NRG1: variants seen among roughly 807,000 people sequenced by gnomAD.
NRG1 encodes the protein neuregulin 1, also known as pro-neuregulin-1, membrane-bound isoform.
Under a neutral mutation model 63.8 loss-of-function variants are expected in NRG1, and 18 were observed. The observed-to-expected ratio is 0.28, with a 90% CI of 0.19 to 0.42. The LOEUF is 0.42. Ranked by LOEUF, NRG1 falls within the 10% of genes least tolerant of loss-of-function variation. The pLI is 1.00. For synonymous variants in NRG1, 302 were observed against 301.3 expected, an observed-to-expected ratio of 1.00 and a Z score of -0.02; for missense variants, 762 against 814.7, an observed-to-expected ratio of 0.94 and a Z score of 0.79.
intron 7 of NRG1, 43 bp from the exon 8 acceptor site, chr8:32,754,329 G>A: frequency 6.3e-7 from 1 of 1,577,738 alleles, no homozygotes; most frequent in Non-Finnish European, 8.7e-7. Flanking sequence ...GTCCTGGCAA[G>A]TGGAAGTGAC....
intron 1 of NRG1, among the ~76,000 whole-genome samples, chr8:31,854,196 C>T (rs1411790091): frequency 2.0e-5 from 3 of 151,388 alleles, no homozygotes; most frequent in Non-Finnish European, 3.0e-5. Flanking sequence ...GGTACCAGTT[C>T]CTCCTTGTAC....
At chr8:32,726,888 A>T (rs2129013239) in intron 5 of NRG1, among the ~76,000 whole-genome samples, 1 of 152,126 alleles carries the variant, frequency 6.6e-6, no homozygotes, top group Non-Finnish European at 1.5e-5. Context: ...TTATCAGTAG[A>T]CAAGACAAAA....
At chr8:32,769,524 G>T (rs1014103881), downstream of NRG1, among the ~76,000 whole-genome samples, 2 of 152,162 alleles carry the variant, frequency 1.3e-5, no homozygotes, top group South Asian at 4.1e-4. Flanking sequence ...ACAATTTGGG[G>T]TTATAAGGCA....
chr8:32,347,392 C>A (rs1805051431), intron 1 of NRG1, among the ~76,000 whole-genome samples: 1 of 152,096 alleles, frequency 6.6e-6, no homozygotes, highest in Admixed American at 6.6e-5. Flanking sequence ...AGGACAAGAA[C>A]CCTGCAGGGT....
intron 1 of NRG1, among the ~76,000 whole-genome samples, chr8:31,887,173 A>G (rs1255395629): frequency 1.3e-5 from 2 of 152,082 alleles, no homozygotes; most frequent in Non-Finnish European, 2.9e-5. Context: ...AAAAGGCTGA[A>G]AATCAGCATG....
chr8:32,616,787 C>G (rs1037802128), intron 4 of NRG1, 48 bp from the exon 5 acceptor site: 2 of 1,471,892 alleles, frequency 1.4e-6, no homozygotes, highest in South Asian at 2.3e-5. Flanking sequence ...TTTATGAGTC[C>G]AAGCAGCATG....
chr8:32,728,185 G>A (rs2129015269), intron 6 of NRG1, 107 bp downstream of exon 6: 2 of 1,549,848 alleles, frequency 1.3e-6, no homozygotes, highest in East Asian at 2.3e-5. Flanking sequence ...GTTGCATCAT[G>A]TTGAATAATG....
chr8:31,852,727 G>C (rs1446176351), intron 1 of NRG1, among the ~76,000 whole-genome samples: 3 of 152,162 alleles, frequency 2.0e-5, no homozygotes, highest in South Asian at 2.1e-4. Context: ...TTCTTCTAGG[G>C]TTTTCATGGC....
intron 1 of NRG1, among the ~76,000 whole-genome samples, chr8:31,695,622 G>A (rs1431254649): frequency 6.6e-6 from 1 of 152,172 alleles, no homozygotes; most frequent in Non-Finnish European, 1.5e-5. Flanking sequence ...ATGAGATTTG[G>A]GTAGGGACAC....
intron 1 of NRG1, among the ~76,000 whole-genome samples, chr8:31,966,455 T>C (rs1390048326): frequency 6.6e-6 from 1 of 152,242 alleles, no homozygotes; most frequent in African/African-American, 2.4e-5. Context: ...ATTTGATAGT[T>C]AGCCAAAATT....
At chr8:32,289,814 T>C (rs1450132860) in intron 1 of NRG1, among the ~76,000 whole-genome samples, 3 of 152,228 alleles carry the variant, frequency 2.0e-5, no homozygotes, top group African/African-American at 2.4e-5. Context: ...CTCAATGTAC[T>C]TGTAAACTTG....
At chr8:32,565,182 A>G (rs1837219058) in intron 1 of NRG1, among the ~76,000 whole-genome samples, 1 of 151,912 alleles carries the variant, frequency 6.6e-6, no homozygotes, top group Non-Finnish European at 1.5e-5. Context: ...TCTTTATCCC[A>G]CTCAGGACCA....
chr8:32,331,731 G>A (rs192829702), intron 1 of NRG1, among the ~76,000 whole-genome samples: 12 of 152,256 alleles, frequency 7.9e-5, no homozygotes, highest in Admixed American at 4.6e-4. Context: ...GGGGTGGTTA[G>A]GACAGTGGCG....
chr8:32,608,658 A>AATTGTATGCTGAGCATCTCTGCG lies in NRG1; in HGVS notation c.400+2977_400+2999dup, dbSNP rs1230460580. ...TTATAACTCAGCCTCGAGGAGATGG[A>AATTGTATGCTGAGCATCTCTGCG]ATTGTATGCTGAGCATCTCTGCGAA... On this transcript the variant is annotated intron_variant, in intron 3 of 11. Transcript: ENST00000356819. Among the ~76,000 whole-genome samples the AATTGTATGCTGAGCATCTCTGCG allele has an allele frequency of 2.7e-5, 4 of 148,672 alleles. No individual in the cohort carries two copies. The East Asian group carries it at 7.7e-4, about 29-fold the overall frequency.
chr8:32,131,918 C>G (rs962642805), intron 1 of NRG1, among the ~76,000 whole-genome samples: 2 of 151,912 alleles, frequency 1.3e-5, no homozygotes, highest in African/African-American at 4.8e-5. Flanking sequence ...GATTTTTTTC[C>G]CTAAGCTAGA....
chr8:32,628,211 A>G (rs1685751161), intron 5 of NRG1, among the ~76,000 whole-genome samples: 1 of 152,242 alleles, frequency 6.6e-6, no homozygotes, highest in African/African-American at 2.4e-5. Flanking sequence ...GGATATTTTT[A>G]TGATGAAATG....
At chr8:31,843,548 T>G (rs1826394044) in intron 1 of NRG1, among the ~76,000 whole-genome samples, 1 of 152,206 alleles carries the variant, frequency 6.6e-6, no homozygotes, top group Admixed American at 6.5e-5. Flanking sequence ...TTTCTGGTTC[T>G]GGGGCTGCTT....
At chr8:32,697,221 A>C (rs545839780) in intron 5 of NRG1, among the ~76,000 whole-genome samples, 6 of 152,376 alleles carry the variant, frequency 3.9e-5, no homozygotes, top group Admixed American at 3.9e-4. Flanking sequence ...TCCCTAGGTT[A>C]CATCAGAGAA....
intron 1 of NRG1, among the ~76,000 whole-genome samples, chr8:32,551,910 C>CTTTTTT (rs34051371): frequency 8.9e-6 from 1 of 112,168 alleles, no homozygotes; most frequent in African/African-American, 3.5e-5. Flanking sequence ...AAAACCAGAG[C>CTTTTTT]TTTTTTTTTT....
Sources: allele counts gnomAD v4.1 joint callset (sites outside exome capture counted in the v4.1 genomes callset), GRCh38; gene constraint gnomAD v4.1.1; transcripts MANE v1.5; gene names NCBI Gene and HGNC (gene_info 2026-07-23, HGNC 2026-07-21).